The following TNFRSF21 variants were observed in gnomAD, a reference collection of about 807,000 sequenced individuals.
TNFRSF21 encodes the protein tumor necrosis factor receptor superfamily member 21.
TNFRSF21 carries 19 observed loss-of-function variants against 45.6 expected under a neutral mutation model. The ratio of observed to expected loss-of-function variants is 0.42; its 90% CI spans 0.29 to 0.61. The LOEUF is 0.61. Ranked by LOEUF, TNFRSF21 falls within the 20% of genes least tolerant of loss-of-function variation. The pLI is 0.23. For missense variants in TNFRSF21, 737 were observed against 851.5 expected, an observed-to-expected ratio of 0.87 and a Z score of 1.67; for synonymous variants, 314 against 335.5, an observed-to-expected ratio of 0.94 and a Z score of 0.70.
chr6:47,260,173 T>C (rs572786853), intron 3 of TNFRSF21, among the ~76,000 whole-genome samples: 6 of 152,142 alleles, frequency 3.9e-5, no homozygotes, highest in Non-Finnish European at 8.8e-5. Flanking sequence ...CTGGGATTAT[T>C]GGTGCTGAAC....
In TNFRSF21 at chr6:47,268,658, A is replaced by G. The variant is rs76319660; in HGVS notation, c.1244-15137T>C. On this transcript the variant is annotated intron_variant, in intron 3 of 5. Coordinates refer to ENST00000296861, the MANE Select transcript of TNFRSF21 (RefSeq NM_014452.5). Reference sequence around the variant, plus strand: ...CACCTCCCCCAGCCTGAAATCATCCAAGTAAAAGATACTCATAAAAAGGTA... The same window carrying G: ...CACCTCCCCCAGCCTGAAATCATCCGAGTAAAAGATACTCATAAAAAGGTA... Among the ~76,000 whole-genome samples the G allele has an allele frequency of 3.3e-3, 496 of 152,278 alleles. 2 individuals are homozygous for G. Among genetic ancestry groups the G allele is most frequent in the African/African-American group, 0.01 (435 of 41,558 alleles).
intron 4 of TNFRSF21, among the ~76,000 whole-genome samples, chr6:47,243,720 A>G (rs1764782631): frequency 6.6e-6 from 1 of 152,148 alleles, no homozygotes; most frequent in Admixed American, 6.5e-5. Context: ...GCCCCATCCT[A>G]CATACTATTC....
intron 1 of TNFRSF21, 78 bp from the exon 2 acceptor site, chr6:47,286,673 A>G: frequency 2.8e-6 from 4 of 1,422,960 alleles, no homozygotes; most frequent in Non-Finnish European, 3.8e-6. Flanking sequence ...AAAAGGGCCA[A>G]CAATTCCAGC....
chr6:47,293,670 G>C (rs1037609374), intron 1 of TNFRSF21, among the ~76,000 whole-genome samples: 1 of 152,130 alleles, frequency 6.6e-6, no homozygotes, highest in South Asian at 2.1e-4. Flanking sequence ...TGAGATATTG[G>C]CTTCCTTTCT....
At chr6:47,288,442 G>A (rs1373283175) in intron 1 of TNFRSF21, among the ~76,000 whole-genome samples, 1 of 152,142 alleles carries the variant, frequency 6.6e-6, no homozygotes, top group African/African-American at 2.4e-5. Flanking sequence ...TCCGTAACTT[G>A]ATCTGGATGC....
intron 1 of TNFRSF21, 105 bp downstream of exon 1, chr6:47,309,311 G>A: frequency 5.6e-6 from 8 of 1,416,402 alleles, no homozygotes; most frequent in East Asian, 3.0e-5. Flanking sequence ...AGTCGGCCGG[G>A]CCCCGCGCCT....
chr6:47,284,433 C>A lies in TNFRSF21; in HGVS notation c.749-1G>T, dbSNP rs1762618717. ...GAGTTGGATTCTGTTGAGTTCATGC[C>A]TAGAAAAAAGAGTAAGGAGGGGGGA... On this transcript the variant is annotated splice_acceptor_variant, in intron 2 of 5. Coordinates refer to ENST00000296861, the MANE Select transcript of TNFRSF21 (RefSeq NM_014452.5). LOFTEE classifies it high-confidence loss of function. The A allele has an allele frequency of 6.6e-7, 1 of 1,511,054 alleles. No individual in the cohort carries two copies. Among genetic ancestry groups the A allele is most frequent in the South Asian group, 1.4e-5 (1 of 72,980 alleles). 93.6% of individuals were successfully genotyped at this position (1,511,054 alleles called of 1,614,324 possible). A position where few individuals can be genotyped will look rare whatever the true frequency, so the allele number is the denominator to read the frequency against.
chr6:47,285,403 C>A (rs1467226270), intron 2 of TNFRSF21, among the ~76,000 whole-genome samples: 1 of 152,162 alleles, frequency 6.6e-6, no homozygotes, highest in East Asian at 1.9e-4. Context: ...TACCTTCAAT[C>A]TGATACAAAT....
chr6:47,234,730 A>G lies in TNFRSF21; in HGVS notation c.1678T>C (p.Cys560Arg). ...GAGGAGCCGCTGGATGTAGAGTCACAGCGGAGAAGGGGCTCCGACTCATCC... is the reference window on the plus strand; with the variant it reads ...GAGGAGCCGCTGGATGTAGAGTCACGGCGGAGAAGGGGCTCCGACTCATCC... ...FVDESEPLLR[C>R]DSTSSGSSAL... The change falls in exon 5 of 6, where the codon TGT becomes CGT. Residue 560 changes from cysteine (C) to arginine (R), a missense_variant. Cys to Arg is a radical substitution (Grantham distance 180, BLOSUM62 -3). Transcript: ENST00000296861. 6.2e-7 allele frequency: 1 copy of G among 1,612,118 alleles called. No individual in the cohort carries two copies. Among genetic ancestry groups the G allele is most frequent in the Non-Finnish European group, 8.5e-7 (1 of 1,179,236 alleles).
Position 47,309,749 on chromosome 6 carries a change from G to T in TNFRSF21, c.-238C>A, listed in dbSNP as rs1394588434. The T allele has an allele frequency of 4.1e-5, 18 of 444,004 alleles. No homozygotes were observed. In the Admixed American group the frequency reaches 8.1e-4, roughly 20 times the overall value. 27.5% of individuals were successfully genotyped at this position (444,004 alleles called of 1,614,324 possible). A position where few individuals can be genotyped will look rare whatever the true frequency, so the allele number is the denominator to read the frequency against. On this transcript the variant is annotated 5_prime_UTR_variant, in exon 1 of 6. Transcript: ENST00000296861. ...CAGGCGGGGAGAAGCCGCCGCGACT[G>T]CAGCCCGCGTCTCCGGGTGCTCTCC...
intron 1 of TNFRSF21, 26 bp from the exon 2 acceptor site, chr6:47,286,621 AG>A: frequency 1.3e-6 from 2 of 1,574,496 alleles, no homozygotes; most frequent in Non-Finnish European, 1.7e-6. Context: ...GGGGAGGGAA[AG>A]GAACAAAAAC....
intron 1 of TNFRSF21, among the ~76,000 whole-genome samples, chr6:47,299,023 C>T (rs1426036315): frequency 6.6e-6 from 1 of 152,200 alleles, no homozygotes; most frequent in Non-Finnish European, 1.5e-5. Context: ...ACAAATATGA[C>T]ACTAAAGTCC....
At chr6:47,294,033 G>C (rs765156931) in intron 1 of TNFRSF21, among the ~76,000 whole-genome samples, 1 of 152,216 alleles carries the variant, frequency 6.6e-6, no homozygotes, top group Non-Finnish European at 1.5e-5. Context: ...TGTCTGACAA[G>C]TGTTAGTTGA....
intron 1 of TNFRSF21, among the ~76,000 whole-genome samples, chr6:47,304,653 C>A (rs1286238772): frequency 6.6e-6 from 1 of 152,234 alleles, no homozygotes; most frequent in Non-Finnish European, 1.5e-5. Context: ...TTTAGCCACA[C>A]TAAAATATGT....
At chr6:47,274,555 T>C (rs1287008053) in intron 3 of TNFRSF21, among the ~76,000 whole-genome samples, 3 of 152,116 alleles carry the variant, frequency 2.0e-5, no homozygotes, top group Non-Finnish European at 2.9e-5. Flanking sequence ...ACCTAGGCAA[T>C]ACCATTCAGG....
intron 2 of TNFRSF21, among the ~76,000 whole-genome samples, chr6:47,284,986 G>A (rs1014658588): frequency 1.3e-5 from 2 of 152,208 alleles, no homozygotes; most frequent in East Asian, 3.9e-4. Context: ...TGGCAGCTTA[G>A]CAGACTTCTC....
intron 4 of TNFRSF21, among the ~76,000 whole-genome samples, chr6:47,251,707 C>T (rs1329802428): frequency 6.6e-6 from 1 of 152,166 alleles, no homozygotes; most frequent in Admixed American, 6.5e-5. Flanking sequence ...TAAAGCCAGT[C>T]TCTAAGAATG....
intron 3 of TNFRSF21, among the ~76,000 whole-genome samples, chr6:47,277,271 C>G (rs565339325): frequency 6.6e-6 from 1 of 152,208 alleles, no homozygotes; most frequent in South Asian, 2.1e-4. Context: ...GGATTACAGG[C>G]GTGAGCCACT....
intron 4 of TNFRSF21, among the ~76,000 whole-genome samples, chr6:47,243,149 A>G (rs758141566): frequency 7.2e-5 from 11 of 152,180 alleles, no homozygotes; most frequent in Non-Finnish European, 1.0e-4. Context: ...TAGAATTACA[A>G]TGCATATGGT....
Sources: allele counts gnomAD v4.1 joint callset (sites outside exome capture counted in the v4.1 genomes callset), GRCh38; gene constraint gnomAD v4.1.1; transcripts MANE v1.5; gene names NCBI Gene and HGNC (gene_info 2026-07-23, HGNC 2026-07-21).